The following GSE1 variants were observed in gnomAD, a reference collection of about 807,000 sequenced individuals.
The protein encoded by GSE1 is Gse1 coiled-coil protein, also known as genetic suppressor element 1.
GSE1 carries 32 observed loss-of-function variants against 112.6 expected under a neutral mutation model. The observed-to-expected ratio is 0.28, with a 90% confidence interval of 0.21 to 0.38. The LOEUF (loss-of-function observed/expected upper bound fraction) is 0.38, where lower values mean the gene tolerates loss of function less well. Ranked by LOEUF, GSE1 falls within the 10% of genes least tolerant of loss-of-function variation. The pLI, the probability that GSE1 is intolerant of heterozygous loss-of-function variation, is 1.00. For synonymous variants in GSE1, 1,115 were observed against 735.6 expected, an observed-to-expected ratio of 1.52 and a Z score of -8.35; for missense variants, 2,348 against 1,699.2, an observed-to-expected ratio of 1.38 and a Z score of -6.71.
At chr16:85,234,075 A>G (rs1904351293) in intron 1 of GSE1, among the ~76,000 whole-genome samples, 2 of 152,248 alleles carry the variant, frequency 1.3e-5, no homozygotes, top group Admixed American at 6.5e-5. Flanking sequence ...GGGCGAGGGA[A>G]TCTGCATTTT....
chr16:85,565,943 C>T (rs1462085923), intron 1 of GSE1, among the ~76,000 whole-genome samples: 1 of 152,202 alleles, frequency 6.6e-6, no homozygotes, highest in Non-Finnish European at 1.5e-5. Flanking sequence ...TGCAGCGCTG[C>T]CTAAGCACTG....
At chr16:85,471,498 C>A (rs2050294903) in intron 2 of GSE1, among the ~76,000 whole-genome samples, 1 of 151,894 alleles carries the variant, frequency 6.6e-6, no homozygotes, top group South Asian at 2.1e-4. Flanking sequence ...ACTGCAGCCT[C>A]CATTCCCTGT....
At chr16:85,236,200 C>G (rs1904644723) in intron 1 of GSE1, among the ~76,000 whole-genome samples, 1 of 152,172 alleles carries the variant, frequency 6.6e-6, no homozygotes, top group African/African-American at 2.4e-5. Context: ...CTCTTGGGGC[C>G]CCCATAGTAC....
chr16:85,387,305 C>T (rs1267660947), intron 2 of GSE1, among the ~76,000 whole-genome samples: 2 of 152,204 alleles, frequency 1.3e-5, no homozygotes, highest in Admixed American at 1.3e-4. Flanking sequence ...TTGCCATTTG[C>T]CACAGGCTGT....
At position 85,446,187 on chromosome 16, in the gene GSE1, G is replaced by A. The variant is rs116069745; in HGVS notation, c.2464+88544G>A. 1.0e-2 allele frequency among the ~76,000 whole-genome samples: 1,521 copies of A among 152,298 alleles called. 28 individuals carry two copies. The highest frequency in any genetic ancestry group is 0.035 in the African/African-American group (1,460 of 41,560). On this transcript the variant is annotated intron_variant, in intron 2 of 2. Transcript: ENST00000637419. Reference sequence around the variant, plus strand: ...TTGGCCTCAGCTCTGCGACGTCGGGGCCTGTTCCCCGGAGGACCTGTATTT... The same window carrying A: ...TTGGCCTCAGCTCTGCGACGTCGGGACCTGTTCCCCGGAGGACCTGTATTT...
At position 85,511,808 on chromosome 16, in the gene GSE1, G is replaced by A. The variant is rs551062223; in HGVS notation, c.2465-122106G>A. Among the ~76,000 whole-genome samples, 29 of 152,288 alleles carry A rather than the reference G, an allele frequency of 1.9e-4. No individual in the cohort carries two copies. In the East Asian group the frequency reaches 3.5e-3, roughly 18 times the overall value. On this transcript the variant is annotated intron_variant, in intron 2 of 2. Coordinates refer to the GSE1 transcript ENST00000637419. ...CAGGAGCTGGAAGAGGCAGGAAGGAGCCTCCCTAGAGCCTCCAGAGGGAGC... is the reference window on the plus strand; with the variant it reads ...CAGGAGCTGGAAGAGGCAGGAAGGAACCTCCCTAGAGCCTCCAGAGGGAGC...
chr16:85,673,195 C>T lies in GSE1; in HGVS notation c.*656C>T, dbSNP rs140433335. ...AACTGAAGGTAGCTTTTTATTACTC[C>T]GTGGGGAGCATGTACAGAGCTCTGT... On this transcript the variant is annotated 3_prime_UTR_variant, in exon 16 of 16. Coordinates refer to ENST00000253458, the MANE Select transcript of GSE1 (RefSeq NM_014615.5). 8 of 152,542 alleles carry T rather than the reference C, an allele frequency of 5.2e-5. No homozygotes were observed. Among genetic ancestry groups the T allele is most frequent in the East Asian group, 3.9e-4 (2 of 5,178 alleles). 9.4% of individuals were successfully genotyped at this position (152,542 alleles called of 1,614,324 possible).
At chr16:85,494,185 G>A (rs1216265272) in intron 2 of GSE1, among the ~76,000 whole-genome samples, 2 of 152,250 alleles carry the variant, frequency 1.3e-5, no homozygotes, top group Non-Finnish European at 2.9e-5. Context: ...GAGGCCACAA[G>A]TCTGAAGTCA....
chr16:85,657,953 T>G (rs2052107617), intron 8 of GSE1, among the ~76,000 whole-genome samples: 2 of 152,238 alleles, frequency 1.3e-5, no homozygotes, highest in Admixed American at 1.3e-4. Context: ...TAATACCTGT[T>G]CTCTCCATCT....
intron 1 of GSE1, among the ~76,000 whole-genome samples, chr16:85,633,253 C>T (rs967831352): frequency 1.3e-5 from 2 of 152,350 alleles, no homozygotes; most frequent in Admixed American, 1.3e-4. Flanking sequence ...GCCTGTGTGG[C>T]CCCATCTCTG....
chr16:85,265,107 G>A (rs1198747063), intron 1 of GSE1, among the ~76,000 whole-genome samples: 1 of 152,222 alleles, frequency 6.6e-6, no homozygotes, highest in Non-Finnish European at 1.5e-5. Flanking sequence ...GGCGGGGGCC[G>A]CTTCCCTGCA....
rs529632846 is a variant in GSE1 at position 85,580,718 on chromosome 16, A to G, written c.37+24355A>G. Among the ~76,000 whole-genome samples the G allele has an allele frequency of 2.0e-5, 3 of 152,170 alleles. No homozygotes were observed. In the South Asian group the frequency reaches 6.2e-4, roughly 31 times the overall value. On this transcript the variant is annotated intron_variant, in intron 1 of 2. Coordinates refer to the GSE1 transcript ENST00000635906. ...AAATGGAGCCTCTAAGGAAATAGTT[A>G]TGGTTAAGTGAGGTTCTCAGGGTGG...
chr16:85,363,431 C>T (rs1007821195), intron 2 of GSE1, among the ~76,000 whole-genome samples: 5 of 152,170 alleles, frequency 3.3e-5, no homozygotes, highest in African/African-American at 9.7e-5. Flanking sequence ...AACCACTGGG[C>T]CAGGCCTTAC....
intron 1 of GSE1, among the ~76,000 whole-genome samples, chr16:85,304,049 A>C (rs8044680): frequency 0.12 from 18,639 of 152,218 alleles, 1,398 homozygotes; most frequent in African/African-American, 0.2. Flanking sequence ...GACAGCAGAA[A>C]AAGCCGCAGG....
intron 2 of GSE1, among the ~76,000 whole-genome samples, chr16:85,481,866 G>A (rs7198857): frequency 0.68 from 103,257 of 152,140 alleles, 36,340 homozygotes; most frequent in African/African-American, 0.88. Context: ...AAGGTCACAC[G>A]GCGCAGAGGT....
At chr16:85,226,758 GGTGTGTGTGT>G (rs55999145) in intron 1 of GSE1, among the ~76,000 whole-genome samples, 5,135 of 104,896 alleles carry the variant, frequency 0.049, 202 homozygotes, top group African/African-American at 0.079. Context: ...TGCCTGGACT[GGTGTGTGTGT>G]GTGTGTGTGT....
intron 1 of GSE1, among the ~76,000 whole-genome samples, chr16:85,199,537 G>A (rs921582253): frequency 9.8e-5 from 15 of 152,320 alleles, no homozygotes; most frequent in Admixed American, 7.8e-4. Context: ...TATCAGAGGC[G>A]CATCGGCTTA....
At chr16:85,558,897 GC>G (rs2045378240) in intron 1 of GSE1, among the ~76,000 whole-genome samples, 1 of 152,020 alleles carries the variant, frequency 6.6e-6, no homozygotes, top group African/African-American at 2.4e-5. Context: ...TTGCTGTGTC[GC>G]CCAGGCTGGA....
intron 2 of GSE1, among the ~76,000 whole-genome samples, chr16:85,636,480 G>A (rs571217134): frequency 6.6e-5 from 10 of 152,180 alleles, no homozygotes; most frequent in Admixed American, 1.3e-4. Flanking sequence ...CTCGTTCCTC[G>A]TGACCTCAGC....
Sources: allele counts gnomAD v4.1 joint callset (sites outside exome capture counted in the v4.1 genomes callset), GRCh38; gene constraint gnomAD v4.1.1; transcripts MANE v1.5; gene names NCBI Gene and HGNC (gene_info 2026-07-23, HGNC 2026-07-21).